Variants in PEX5L observed in about 807,000 individuals in gnomAD.
The protein encoded by PEX5L is PEX5-related protein.
PEX5L carries 30 observed loss-of-function variants against 84.0 expected under a neutral mutation model. That is an observed-to-expected ratio of 0.36 (90% CI 0.27 to 0.48). The LOEUF (loss-of-function observed/expected upper bound fraction) is 0.48, where lower values mean the gene tolerates loss of function less well. Ranked by LOEUF, PEX5L falls within the 20% of genes least tolerant of loss-of-function variation. The pLI is 0.99. For missense variants in PEX5L, 533 were observed against 754.6 expected (o/e 0.71, Z 3.44); for synonymous variants, 270 against 283.1 (o/e 0.95, Z 0.46).
At chr3:179,848,953 C>T (rs1232266302) in intron 8 of PEX5L, among the ~76,000 whole-genome samples, 1 of 152,126 alleles carries the variant, frequency 6.6e-6, no homozygotes, top group African/African-American at 2.4e-5. Flanking sequence ...ATTGAACATG[C>T]AGATGAGGAT....
intron 2 of PEX5L, among the ~76,000 whole-genome samples, chr3:179,934,215 T>A (rs1439517625): frequency 6.6e-6 from 1 of 152,194 alleles, no homozygotes; most frequent in Non-Finnish European, 1.5e-5. Context: ...TTTCATAGAG[T>A]AAAATTTGCA....
chr3:179,959,949 T>C (rs1323626008), intron 2 of PEX5L, among the ~76,000 whole-genome samples: 1 of 152,244 alleles, frequency 6.6e-6, no homozygotes, highest in Non-Finnish European at 1.5e-5. Flanking sequence ...AGCAAAATTG[T>C]TTACATAATA....
chr3:180,014,730 T>TG (rs1234453860), intron 1 of PEX5L, among the ~76,000 whole-genome samples: 1 of 152,108 alleles, frequency 6.6e-6, no homozygotes, highest in Non-Finnish European at 1.5e-5. Context: ...ATAATACTAC[T>TG]GGAAAAAAAA....
chr3:179,880,154 C>A, intron 4 of PEX5L, 31 bp from the exon 5 acceptor site: 1 of 1,313,988 alleles, frequency 7.6e-7, no homozygotes, highest in Non-Finnish European at 1.1e-6. Context: ...TAAGATAAGC[C>A]CATTTACTAC....
chr3:179,795,521 A>G lies in PEX5L; in HGVS notation c.*6307T>C, dbSNP rs1011934990. The G allele has an allele frequency of 6.6e-6, 1 of 152,242 alleles. No individual in the cohort carries two copies. The highest frequency in any genetic ancestry group is 2.4e-5 in the African/African-American group (1 of 41,462). The allele number at this position is 152,242 out of a possible 1,614,324, so 9.4% of individuals were successfully genotyped here. A position where few individuals can be genotyped will look rare whatever the true frequency, so the allele number is the denominator to read the frequency against. ...GTGCTATGATACATATTATTTCACT[A>G]AATCACTGATACAGTATCACATAAT... On this transcript the variant is annotated 3_prime_UTR_variant, in exon 15 of 15. Transcript: ENST00000467460.
chr3:179,950,408 ATG>A (rs1778773447), intron 2 of PEX5L, among the ~76,000 whole-genome samples: 1 of 152,158 alleles, frequency 6.6e-6, no homozygotes, highest in South Asian at 2.1e-4. Context: ...GATATACCTA[ATG>A]TAAATTACGA....
chr3:179,803,644 A>C (rs1329874073), intron 14 of PEX5L, among the ~76,000 whole-genome samples: 2 of 152,230 alleles, frequency 1.3e-5, no homozygotes, highest in South Asian at 2.1e-4. Flanking sequence ...TTTAATTTGC[A>C]TCCACTTTAC....
intron 4 of PEX5L, among the ~76,000 whole-genome samples, chr3:179,885,372 C>T (rs546816981): frequency 1.1e-4 from 17 of 152,196 alleles, no homozygotes; most frequent in South Asian, 8.3e-4. Flanking sequence ...TTGGGCCAGG[C>T]GCGGTGGTTC....
chr3:179,919,597 C>T (rs1016579320), intron 2 of PEX5L, among the ~76,000 whole-genome samples: 24 of 152,124 alleles, frequency 1.6e-4, no homozygotes, highest in African/African-American at 4.8e-4. Flanking sequence ...GGTCAGCAGT[C>T]GATGTGCCTT....
intron 8 of PEX5L, among the ~76,000 whole-genome samples, chr3:179,840,183 G>GT (rs71182521): frequency 0.29 from 22,821 of 79,088 alleles, 4,661 homozygotes; most frequent in East Asian, 0.61. Context: ...GTGTGTGTGT[G>GT]TTTTTTTTTT....
chr3:179,869,966 A>G (rs1749711482), intron 7 of PEX5L, among the ~76,000 whole-genome samples: 1 of 152,224 alleles, frequency 6.6e-6, no homozygotes, highest in Admixed American at 6.5e-5. Flanking sequence ...ACCTAAATAG[A>G]AGCGTAAACA....
At position 179,809,789 on chromosome 3, in the gene PEX5L, T is replaced by C. The variant is rs1723018413; in HGVS notation, c.1155-121A>G. 2.3e-5 allele frequency: 16 copies of C among 685,542 alleles called. No individual in the cohort carries two copies. In the East Asian group the frequency reaches 4.3e-4, roughly 19 times the overall value. The allele number at this position is 685,542 out of a possible 1,614,324, so 42.5% of individuals were successfully genotyped here. On this transcript the variant is annotated intron_variant, in intron 11 of 14. Coordinates refer to ENST00000467460, the MANE Select transcript of PEX5L (RefSeq NM_016559.3). ...GCAAAAGCATTGGTAAGCTTGCTTATGTCAAGTTCCTGGAAAGCACCATAT... is the reference window on the plus strand; with the variant it reads ...GCAAAAGCATTGGTAAGCTTGCTTACGTCAAGTTCCTGGAAAGCACCATAT...
At chr3:179,996,365 GT>G (rs1202203511) in intron 1 of PEX5L, among the ~76,000 whole-genome samples, 1 of 152,192 alleles carries the variant, frequency 6.6e-6, no homozygotes, top group Non-Finnish European at 1.5e-5. Flanking sequence ...GGCCCACTAA[GT>G]AGGGACTCTG....
intron 1 of PEX5L, among the ~76,000 whole-genome samples, chr3:179,999,899 C>T (rs900794713): frequency 6.6e-6 from 1 of 152,092 alleles, no homozygotes; most frequent in Non-Finnish European, 1.5e-5. Context: ...TATGAAGGCA[C>T]AATTACAACG....
intron 1 of PEX5L, among the ~76,000 whole-genome samples, chr3:180,031,464 T>C (rs1032457818): frequency 2.6e-5 from 4 of 152,214 alleles, no homozygotes; most frequent in African/African-American, 7.2e-5. Context: ...TTGTGTTTTA[T>C]ATGTTCTGAA....
intron 8 of PEX5L, among the ~76,000 whole-genome samples, chr3:179,837,688 G>A (rs919214793): frequency 1.3e-5 from 2 of 152,210 alleles, no homozygotes; most frequent in African/African-American, 4.8e-5. Context: ...ATTTAACCCA[G>A]TCATGGGATG....
chr3:179,808,899 C>T (rs1258975381), intron 12 of PEX5L, among the ~76,000 whole-genome samples: 2 of 151,454 alleles, frequency 1.3e-5, no homozygotes, highest in East Asian at 1.9e-4. Flanking sequence ...AAGGTGAAAC[C>T]CCGTCTCTAC....
rs1211792459 is a variant in PEX5L at position 179,799,693 on chromosome 3, G to A, written c.*2135C>T. The A allele has an allele frequency of 1.3e-5, 2 of 152,304 alleles. No individual in the cohort carries two copies. The highest frequency in any genetic ancestry group is 2.4e-5 in the African/African-American group (1 of 41,450). 9.4% of individuals were successfully genotyped at this position (152,304 alleles called of 1,614,324 possible). ...GCCGACTTTCTGGTCAAGGTACAGA[G>A]ATGGCAGGAGGAAGGAGCAGGGAAG... On this transcript the variant is annotated 3_prime_UTR_variant, in exon 15 of 15. Coordinates refer to ENST00000467460, the MANE Select transcript of PEX5L (RefSeq NM_016559.3).
At chr3:179,820,595 C>CGAGG (rs1218526058) in intron 8 of PEX5L, 1 of 152,250 alleles carries the variant, frequency 6.6e-6, no homozygotes. Context: ...ACTGAATCCT[C>CGAGG]TTCAAGGACT....
Sources: allele counts gnomAD v4.1 joint callset (sites outside exome capture counted in the v4.1 genomes callset), GRCh38; gene constraint gnomAD v4.1.1; transcripts MANE v1.5; gene names NCBI Gene and HGNC (gene_info 2026-07-23, HGNC 2026-07-21).